The following HIRA variants were observed in gnomAD, a reference collection of about 807,000 sequenced individuals.
HIRA encodes histone cell cycle regulator.
A neutral mutation model predicts 126.6 loss-of-function variants in HIRA; 13 were observed. The observed-to-expected ratio is 0.10, with a 90% CI of 0.07 to 0.16. The LOEUF (loss-of-function observed/expected upper bound fraction) is 0.16. Ranked by LOEUF, HIRA falls within the 10% of genes least tolerant of loss-of-function variation. The probability of loss-of-function intolerance (pLI) is 1.00; values close to 1 mark genes in which losing one functional copy is unlikely to be tolerated. For synonymous variants in HIRA, 511 were observed against 520.0 expected (o/e 0.98, Z 0.24); for missense variants, 834 against 1,314.4 (o/e 0.63, Z 5.65).
At chr22:19,415,645 C>T (rs117494740) in intron 1 of HIRA, among the ~76,000 whole-genome samples, 4 of 152,066 alleles carry the variant, frequency 2.6e-5, no homozygotes, top group South Asian at 4.2e-4. Context: ...AAAAATTGGC[C>T]GGACATGGTA....
rs1192210695 is a variant in HIRA, at chr22:19,410,707, T to C, written c.100+9A>G. Reference sequence around the variant, plus strand: ...TTAAGCTTTCCCTTTCTTTATTCCATAAACATACCTTGTCCTCCAGTTGCG... The same window carrying C: ...TTAAGCTTTCCCTTTCTTTATTCCACAAACATACCTTGTCCTCCAGTTGCG... On this transcript the variant is annotated intron_variant, in intron 2 of 24. Transcript: ENST00000263208. The C allele has an allele frequency of 5.0e-6, 8 of 1,609,444 alleles. No homozygotes were observed. Among genetic ancestry groups the C allele is most frequent in the Non-Finnish European group, 6.8e-6 (8 of 1,176,074 alleles).
intron 1 of HIRA, among the ~76,000 whole-genome samples, chr22:19,429,129 ATATCTTTTTTTT>A (rs1214659124): frequency 1.5e-5 from 2 of 136,936 alleles, no homozygotes; most frequent in South Asian, 4.6e-4. Context: ...CAGAGTTGCC[ATATCTTTTTTTT>A]TTTTTTTTTT....
rs565246527 is a variant in HIRA at position 19,331,409 on chromosome 22, C to A, written c.*31G>T. On this transcript the variant is annotated 3_prime_UTR_variant, in exon 25 of 25. Transcript: ENST00000263208. Reference sequence around the variant, plus strand: ...ATCAGCGGCGAGAGTGTGGCCCTGCCCTTGCTGCAGCCAGGGCAGGCTGGG... The same window carrying A: ...ATCAGCGGCGAGAGTGTGGCCCTGCACTTGCTGCAGCCAGGGCAGGCTGGG... 1.9e-6 allele frequency: 3 copies of A among 1,613,388 alleles called. No homozygotes were observed. In the African/African-American group the frequency reaches 4.0e-5, roughly 22 times the overall value.
chr22:19,423,470 CACACACATGCAT>C lies in HIRA; in HGVS notation c.37+7958_37+7969del, dbSNP rs1350897213. Among the ~76,000 whole-genome samples the C allele has an allele frequency of 7.1e-5, 10 of 141,022 alleles. No individual in the cohort carries two copies. In the East Asian group the frequency reaches 1.7e-3, roughly 23 times the overall value. 92.5% of individuals were successfully genotyped at this position (141,022 alleles called of 152,430 possible). A position where few individuals can be genotyped will look rare whatever the true frequency, so the allele number is the denominator to read the frequency against. The stretch of plus-strand genomic sequence containing the variant: ...AGCTGAAAACATACACACACTGACT[CACACACATGCAT>C]ACACACACACACACACACACACACA... On this transcript the variant is annotated intron_variant, in intron 1 of 24. Transcript: ENST00000263208.
In HIRA at chr22:19,364,996, T is replaced by C. The variant is rs571592503; in HGVS notation, c.1776-3065A>G. On this transcript the variant is annotated intron_variant, in intron 15 of 24. Transcript: ENST00000263208. The stretch of plus-strand genomic sequence containing the variant: ...AGCCTTATTGCTAATATGGAGAAAG[T>C]TTTAGTGCTCTGGATAGAAGATCAA... Among the ~76,000 whole-genome samples, 10 of 152,260 alleles carry C rather than the reference T, an allele frequency of 6.6e-5. No individual in the cohort carries two copies. In the East Asian group the frequency reaches 1.9e-3, roughly 29 times the overall value.
intron 15 of HIRA, among the ~76,000 whole-genome samples, chr22:19,371,221 A>G (rs2088961609): frequency 6.6e-6 from 1 of 152,062 alleles, no homozygotes; most frequent in Non-Finnish European, 1.5e-5. Flanking sequence ...CCTCTTGACA[A>G]CTACCCCGCA....
intron 24 of HIRA, among the ~76,000 whole-genome samples, chr22:19,347,098 C>A (rs2088695513): frequency 6.6e-6 from 1 of 152,194 alleles, no homozygotes; most frequent in Non-Finnish European, 1.5e-5. Context: ...CCACAACCTG[C>A]CCATGAGGGG....
chr22:19,332,780 A>G (rs2088506337), intron 24 of HIRA, among the ~76,000 whole-genome samples: 1 of 151,872 alleles, frequency 6.6e-6, no homozygotes, highest in African/African-American at 2.4e-5. Context: ...GGGAAAGGAA[A>G]AAAAAAAAGA....
At position 19,392,228 on chromosome 22, in the gene HIRA, A is replaced by G. The variant is rs1307724548; in HGVS notation, c.823-14T>C. 4.6e-6 allele frequency: 7 copies of G among 1,513,156 alleles called. No individual in the cohort carries two copies. The highest frequency in any genetic ancestry group is 6.4e-6 in the Non-Finnish European group (7 of 1,089,920). 93.7% of individuals were successfully genotyped at this position (1,513,156 alleles called of 1,614,324 possible). On this transcript the variant is annotated splice_polypyrimidine_tract_variant and intron_variant, in intron 8 of 24. Transcript: ENST00000263208. ...TGGGTTGAATTTCTAAAGCCAAATAACAGATGTTAAAAATAATTAATCAAG... is the reference window on the plus strand; with the variant it reads ...TGGGTTGAATTTCTAAAGCCAAATAGCAGATGTTAAAAATAATTAATCAAG...
At chr22:19,387,684 C>CCAG in intron 11 of HIRA, 27 bp downstream of exon 11, 2 of 1,582,582 alleles carry the variant, frequency 1.3e-6, no homozygotes, top group Non-Finnish European at 1.7e-6. Flanking sequence ...CACAGAGCAC[C>CCAG]CAGCAGCACA....
chr22:19,405,901 A>C, intron 4 of HIRA, 21 bp from the exon 5 acceptor site: 2 of 1,439,374 alleles, frequency 1.4e-6, no homozygotes, highest in Non-Finnish European at 1.8e-6. Context: ...AAGGGGCCAA[A>C]AAGGCACTCA....
intron 24 of HIRA, among the ~76,000 whole-genome samples, chr22:19,339,884 T>C (rs2088607920): frequency 1.3e-5 from 2 of 152,108 alleles, no homozygotes; most frequent in African/African-American, 4.8e-5. Flanking sequence ...AATTTAAAAA[T>C]TGCCAACAAA....
At position 19,377,902 on chromosome 22, in the gene HIRA, G is replaced by C; in HGVS notation, c.1580C>G (p.Ala527Gly). 6.2e-7 allele frequency: 1 copy of C among 1,613,054 alleles called. No homozygotes were observed. The highest frequency in any genetic ancestry group is 1.1e-5 in the South Asian group (1 of 90,916). The change falls in exon 14 of 25, where the codon GCC becomes GGC. Residue 527 changes from alanine to glycine, a missense_variant. This residue lies in a region of HIRA where 468 missense variants were observed against 574.2 expected (regional missense o/e 0.82). Transcript: ENST00000263208. ...PCTEPVVAAS[A>G]RPAGDSVNKD... ...ATTGACAGAATCGCCTGCAGGTCTG[G>C]CACTGGCAGCCACCACAGGCTCTGT...
At chr22:19,399,675 T>C (rs2089251615) in intron 5 of HIRA, among the ~76,000 whole-genome samples, 1 of 152,240 alleles carries the variant, frequency 6.6e-6, no homozygotes, top group Non-Finnish European at 1.5e-5. Context: ...CCAAGATCCC[T>C]GTGGTTTTAC....
chr22:19,364,886 C>G (rs61187170), intron 15 of HIRA, among the ~76,000 whole-genome samples: 12,652 of 152,166 alleles, frequency 0.083, 1,763 homozygotes, highest in African/African-American at 0.29. Context: ...CACCAGTTAG[C>G]CAAGGTGTGA....
At chr22:19,392,271 G>A (rs1226297738) in intron 8 of HIRA, 57 bp from the exon 9 acceptor site, 2 of 1,077,820 alleles carry the variant, frequency 1.9e-6, no homozygotes, top group East Asian at 5.0e-5. Flanking sequence ...CATGTCCCCT[G>A]TGCCCAAGTC....
At chr22:19,382,347 C>T (rs1331361554) in intron 13 of HIRA, among the ~76,000 whole-genome samples, 1 of 152,166 alleles carries the variant, frequency 6.6e-6, no homozygotes, top group Non-Finnish European at 1.5e-5. Context: ...ATCCCACAGG[C>T]CCAGTATGTT....
intron 1 of HIRA, among the ~76,000 whole-genome samples, chr22:19,421,259 A>C (rs2089443729): frequency 6.7e-6 from 1 of 150,278 alleles, no homozygotes; most frequent in Admixed American, 6.7e-5. Context: ...AGGTTGCACC[A>C]TTGCACTCCA....
rs781983881 is a variant in HIRA at position 19,331,210 on chromosome 22, G to A, written c.*230C>T. On this transcript the variant is annotated 3_prime_UTR_variant, in exon 25 of 25. Coordinates refer to ENST00000263208, the MANE Select transcript of HIRA (RefSeq NM_003325.4). Reference sequence around the variant, plus strand: ...TGGGCAGAGCTCCAGCCCTAGCTCCGCATCGGGGGCTTGGAGGGAGGGATG... The same window carrying A: ...TGGGCAGAGCTCCAGCCCTAGCTCCACATCGGGGGCTTGGAGGGAGGGATG... 26 of 1,448,516 alleles carry A rather than the reference G, an allele frequency of 1.8e-5. No homozygotes were observed. Among genetic ancestry groups the A allele is most frequent in the South Asian group, 4.9e-5 (4 of 82,448 alleles). The allele number at this position is 1,448,516 out of a possible 1,614,324, so 89.7% of individuals were successfully genotyped here.
Sources: allele counts gnomAD v4.1 joint callset (sites outside exome capture counted in the v4.1 genomes callset), GRCh38; gene constraint gnomAD v4.1.1; regional missense constraint gnomAD v4.1.1; transcripts MANE v1.5; gene names NCBI Gene and HGNC (gene_info 2026-07-23, HGNC 2026-07-21).